The following MYO1H variants were observed in gnomAD, a reference collection of about 807,000 sequenced individuals.
MYO1H encodes the protein myosin IH.
Under a neutral mutation model 149.3 loss-of-function variants are expected in MYO1H, and 118 were observed. That is an observed-to-expected ratio of 0.79 (90% CI 0.68 to 0.92). The LOEUF is 0.92. Among genes scored for constraint, MYO1H ranks in the 40% least tolerant of loss-of-function variants. The pLI is 0.00. For missense variants in MYO1H, 1,212 were observed against 1,280.7 expected (o/e 0.95, Z 0.82); for synonymous variants, 447 against 465.2 (o/e 0.96, Z 0.50).
chr12:109,426,146 G>A, intron 18 of MYO1H, 95 bp downstream of exon 18: 1 of 809,748 alleles, frequency 1.2e-6, no homozygotes, highest in Non-Finnish European at 2.1e-6. Flanking sequence ...ACCACCACAA[G>A]CTTGCTCGAT....
intron 11 of MYO1H, 38 bp downstream of exon 11, chr12:109,409,662 CT>C: frequency 2.0e-6 from 3 of 1,511,592 alleles, no homozygotes; most frequent in African/African-American, 1.4e-5. Context: ...GTCTTTTGCC[CT>C]TTTTTAAGAT....
At chr12:109,441,500 A>G in intron 25 of MYO1H, 115 bp from the exon 26 acceptor site, 1 of 624,958 alleles carries the variant, frequency 1.6e-6, no homozygotes, top group Non-Finnish European at 2.7e-6. Flanking sequence ...GCTCCAGGGT[A>G]ACAAGGCTCC....
upstream of MYO1H, among the ~76,000 whole-genome samples, chr12:109,347,508 C>CAGAGCCAACAGGTACTTCCAGCAGGAGTT (rs1236356053): frequency 6.6e-6 from 1 of 152,148 alleles, no homozygotes; most frequent in Non-Finnish European, 1.5e-5. Context: ...GTTTTTCAAA[C>CAGAGCCAACAGGTACTTCCAGCAGGAGTT]AGAGCCAACA....
At chr12:109,415,930 T>TTATTG in intron 15 of MYO1H, among the ~76,000 whole-genome samples, 1 of 150,782 alleles carries the variant, frequency 6.6e-6, no homozygotes, top group East Asian at 1.9e-4. Flanking sequence ...TTATTTTATT[T>TTATTG]TATTTTATTT....
intron 30 of MYO1H, 43 bp from the exon 31 acceptor site, chr12:109,445,469 GA>G: frequency 7.0e-7 from 1 of 1,434,524 alleles, no homozygotes; most frequent in Non-Finnish European, 9.7e-7. Flanking sequence ...GTTGAGAGAA[GA>G]AAATACAGTA....
intron 19 of MYO1H, among the ~76,000 whole-genome samples, chr12:109,432,476 G>A (rs2135590261): frequency 6.6e-6 from 1 of 152,312 alleles, no homozygotes; most frequent in Admixed American, 6.5e-5. Context: ...TGTCTGTTCA[G>A]TTTTCTGTCG....
At chr12:109,384,630 A>G (rs1192404637) in intron 1 of MYO1H, among the ~76,000 whole-genome samples, 1 of 152,244 alleles carries the variant, frequency 6.6e-6, no homozygotes, top group African/African-American at 2.4e-5. Flanking sequence ...AAATATTGCA[A>G]TAAACAAAAC....
rs1053134961 is a variant in MYO1H, at chr12:109,397,633, C to G, written c.490-99C>G. On this transcript the variant is annotated intron_variant, in intron 4 of 31. Transcript: ENST00000310903. Reference sequence around the variant, plus strand: ...CCTTTCCTCCCTGGCTCCTTCCGCTCTCTCTCCTCCATTTTTGTAATAAGT... The same window carrying G: ...CCTTTCCTCCCTGGCTCCTTCCGCTGTCTCTCCTCCATTTTTGTAATAAGT... 5 of 879,680 alleles carry G rather than the reference C, an allele frequency of 5.7e-6. No homozygotes were observed. In the African/African-American group the frequency reaches 8.6e-5, roughly 15 times the overall value. The allele number at this position is 879,680 out of a possible 1,614,324, so 54.5% of individuals were successfully genotyped here.
At chr12:109,413,778 T>C (rs1198484095) in intron 14 of MYO1H, among the ~76,000 whole-genome samples, 1 of 151,912 alleles carries the variant, frequency 6.6e-6, no homozygotes, top group Non-Finnish European at 1.5e-5. Flanking sequence ...GGCATGGTGG[T>C]ACACGCCTGT....
At chr12:109,392,928 G>A (rs1044444369) in intron 2 of MYO1H, among the ~76,000 whole-genome samples, 2 of 151,368 alleles carry the variant, frequency 1.3e-5, no homozygotes, top group African/African-American at 2.4e-5. Context: ...TCCTGCCTCC[G>A]CCTCCCGAGT....
the MYO1H span, among the ~76,000 whole-genome samples, chr12:109,320,570 G>A: frequency 6.9e-6 from 1 of 144,626 alleles, no homozygotes; most frequent in Non-Finnish European, 1.5e-5. Flanking sequence ...GTTGCAGTGA[G>A]CTGAGATCGC....
chr12:109,404,080 G>GGT lies in MYO1H; in HGVS notation c.849+1_849+2dup. ...TTGATTTTACTGAAGCTGACCTCGAGGTACGTGCTTTTGCAGCAGAACTGA... is the reference window on the plus strand; with the variant it reads ...TTGATTTTACTGAAGCTGACCTCGAGGTGTACGTGCTTTTGCAGCAGAACTGA... On this transcript the variant is annotated frameshift_variant and splice_region_variant. Transcript: ENST00000310903. LOFTEE classifies it high-confidence loss of function. 1 of 1,611,350 alleles carries GGT rather than the reference G, an allele frequency of 6.2e-7. No homozygotes were observed. The highest frequency in any genetic ancestry group is 8.5e-7 in the Non-Finnish European group (1 of 1,178,090).
intron 27 of MYO1H, among the ~76,000 whole-genome samples, chr12:109,442,764 G>A (rs1872196306): frequency 6.7e-6 from 1 of 148,288 alleles, no homozygotes; most frequent in Admixed American, 6.7e-5. Flanking sequence ...AGCAGGTGAA[G>A]CCCTGGTGAT....
At chr12:109,389,674 G>GT (rs1869555352) in intron 2 of MYO1H, among the ~76,000 whole-genome samples, 1 of 152,130 alleles carries the variant, frequency 6.6e-6, no homozygotes, top group African/African-American at 2.4e-5. Context: ...TTTGAGGGTC[G>GT]TTTTTCAGGT....
At chr12:109,406,027 A>T in exon 8 of MYO1H, 1 of 1,610,330 alleles carries the variant, frequency 6.2e-7, no homozygotes, top group Non-Finnish European at 8.5e-7. Flanking sequence ...GATCAAGTGG[A>T]TAGCCAAGGT....
At chr12:109,380,184 C>T (rs547999411) in intron 1 of MYO1H, among the ~76,000 whole-genome samples, 72 of 152,186 alleles carry the variant, frequency 4.7e-4, no homozygotes, top group Admixed American at 6.5e-4. Context: ...TGACAGCCAC[C>T]GCACCCAGGC....
At chr12:109,443,441 T>A (rs1872329778) in intron 27 of MYO1H, 73 bp from the exon 28 acceptor site, 2 of 1,554,272 alleles carry the variant, frequency 1.3e-6, no homozygotes, top group South Asian at 2.3e-5. Flanking sequence ...GACATCACTT[T>A]ACCGGTGTCT....
chr12:109,334,531 G>T, the MYO1H span, among the ~76,000 whole-genome samples: 2 of 152,104 alleles, frequency 1.3e-5, no homozygotes, highest in African/African-American at 2.4e-5. Context: ...GGCTCAAAAA[G>T]GTTAAGCATC....
chr12:109,441,778 G>A, intron 26 of MYO1H, 70 bp downstream of exon 26: 1 of 1,102,284 alleles, frequency 9.1e-7, no homozygotes, highest in Non-Finnish European at 1.3e-6. Flanking sequence ...GGGGTGCGGT[G>A]GCTCATGCCC....
Sources: allele counts gnomAD v4.1 joint callset (sites outside exome capture counted in the v4.1 genomes callset), GRCh38; gene constraint gnomAD v4.1.1; transcripts MANE v1.5; gene names NCBI Gene and HGNC (gene_info 2026-07-23, HGNC 2026-07-21).